The following ABCC5 variants were observed in gnomAD, a reference collection of about 807,000 sequenced individuals.
ABCC5 encodes ATP-binding cassette sub-family C member 5.
ABCC5 carries 61 observed loss-of-function variants against 160.9 expected under a neutral mutation model. The observed-to-expected ratio is 0.38, with a 90% confidence interval of 0.31 to 0.47. ABCC5 has a LOEUF of 0.47. Ranked by LOEUF, ABCC5 falls within the 20% of genes least tolerant of loss-of-function variation. The pLI is 0.99. For missense variants in ABCC5, 1,308 were observed against 1,813.3 expected (o/e 0.72, Z 5.06); for synonymous variants, 666 against 700.6 (o/e 0.95, Z 0.78).
At chr3:183,960,061 T>C (rs1215172888) in intron 16 of ABCC5, among the ~76,000 whole-genome samples, 1 of 152,190 alleles carries the variant, frequency 6.6e-6, no homozygotes, top group Non-Finnish European at 1.5e-5. Context: ...GTCACTAAAC[T>C]CCAAACACAG....
chr3:183,935,028 A>AT (rs774978089), intron 26 of ABCC5, among the ~76,000 whole-genome samples: 2,153 of 149,976 alleles, frequency 0.014, 52 homozygotes, highest in African/African-American at 0.05. Flanking sequence ...TGTAAGGCCA[A>AT]TTTTTTTTTT....
At chr3:183,927,510 A>T in intron 27 of ABCC5, 67 bp from the exon 28 acceptor site, 3 of 1,540,378 alleles carry the variant, frequency 1.9e-6, no homozygotes, top group Non-Finnish European at 2.6e-6. Context: ...AAATCCAAGG[A>T]CAGAAAGAAA....
At chr3:183,953,915 A>G (rs1287046960) in intron 17 of ABCC5, among the ~76,000 whole-genome samples, 2 of 152,174 alleles carry the variant, frequency 1.3e-5, no homozygotes, top group Non-Finnish European at 2.9e-5. Context: ...TGGCCCCACA[A>G]AGAACTTCTC....
In ABCC5 at chr3:183,988,762, A is replaced by G. The variant is rs760643523; in HGVS notation, c.288-35T>C. 6.9e-6 allele frequency: 11 copies of G among 1,605,080 alleles called. No individual in the cohort carries two copies. In the South Asian group the frequency reaches 1.2e-4, roughly 18 times the overall value. ...GAAAACCGAAATCACAAAGCTATCA[A>G]CACGCACGGAGAGGGCAGCCCGTGT... On this transcript the variant is annotated intron_variant, in intron 3 of 29. Transcript: ENST00000334444. The surrounding 1 kb of genome is among the most constrained non-coding windows in gnomAD (Gnocchi z 4.4).
chr3:183,942,125 C>T (rs1347289153), intron 25 of ABCC5, among the ~76,000 whole-genome samples: 2 of 151,906 alleles, frequency 1.3e-5, no homozygotes, highest in African/African-American at 4.8e-5. Flanking sequence ...CTGCAACCTC[C>T]GCCTCCCAGG....
At chr3:183,957,445 ATC>A (rs1716187082) in intron 17 of ABCC5, among the ~76,000 whole-genome samples, 1 of 139,934 alleles carries the variant, frequency 7.1e-6, no homozygotes, top group Admixed American at 7.3e-5. Context: ...TGTATATCAC[ATC>A]TGTTACATGC....
At chr3:183,962,822 G>A (rs192612660) in intron 15 of ABCC5, among the ~76,000 whole-genome samples, 36 of 152,210 alleles carry the variant, frequency 2.4e-4, no homozygotes, top group Admixed American at 1.5e-3. Flanking sequence ...GTGCCTGGCC[G>A]AGTCCCTCCG....
chr3:183,935,499 T>TC (rs940228037), intron 26 of ABCC5, among the ~76,000 whole-genome samples: 4 of 149,048 alleles, frequency 2.7e-5, no homozygotes, highest in Non-Finnish European at 1.5e-5. Flanking sequence ...GCTTTCATCT[T>TC]CAATAAATTC....
intron 29 of ABCC5, among the ~76,000 whole-genome samples, chr3:183,922,639 C>T (rs759991878): frequency 9.7e-4 from 147 of 152,202 alleles, no homozygotes; most frequent in Admixed American, 2.0e-3. Flanking sequence ...CTGAATGATA[C>T]GCTGGCAGAA....
chr3:183,984,599 G>A, intron 5 of ABCC5: 2 of 1,378,680 alleles, frequency 1.5e-6, no homozygotes, highest in Non-Finnish European at 1.9e-6. Flanking sequence ...CAAGTCCCAG[G>A]AAATAACCTG....
At chr3:183,979,748 G>A (rs997621882) in intron 8 of ABCC5, among the ~76,000 whole-genome samples, 1 of 151,946 alleles carries the variant, frequency 6.6e-6, no homozygotes, top group Non-Finnish European at 1.5e-5. Flanking sequence ...GCCCAGTTAT[G>A]TTTTATTTTT....
intron 1 of ABCC5, 78 bp from the exon 2 acceptor site, chr3:184,014,525 G>T: frequency 3.0e-6 from 2 of 665,438 alleles, no homozygotes; most frequent in African/African-American, 2.3e-5. Context: ...CTTAAAAATA[G>T]GAAAAAAAAA....
chr3:183,946,664 C>T (rs1473125300), intron 23 of ABCC5, among the ~76,000 whole-genome samples: 1 of 152,086 alleles, frequency 6.6e-6, no homozygotes, highest in Admixed American at 6.5e-5. Flanking sequence ...TTCCTACCCC[C>T]ACCCCCCATA....
intron 26 of ABCC5, among the ~76,000 whole-genome samples, chr3:183,934,743 C>T (rs1404646405): frequency 1.3e-5 from 2 of 152,196 alleles, no homozygotes; most frequent in African/African-American, 4.8e-5. Context: ...TCTCGAACTC[C>T]TGAGCTCAAG....
intron 8 of ABCC5, among the ~76,000 whole-genome samples, chr3:183,980,047 G>C (rs1457283535): frequency 1.3e-5 from 2 of 152,006 alleles, no homozygotes; most frequent in Admixed American, 1.3e-4. Context: ...GCTAATTTTT[G>C]TATTTTTAGT....
chr3:183,972,204 C>T lies in ABCC5; in HGVS notation c.1405-285G>A, dbSNP rs146214044. Among the ~76,000 whole-genome samples, 604 of 152,266 alleles carry T rather than the reference C, an allele frequency of 4.0e-3. 5 individuals are homozygous for T. The highest frequency in any genetic ancestry group is 0.013 in the African/African-American group (554 of 41,554). On this transcript the variant is annotated intron_variant, in intron 10 of 29. Coordinates refer to ENST00000334444, the MANE Select transcript of ABCC5 (RefSeq NM_005688.4). ...TCCCCCTCAGCCAGCCTAAAGCGGACCTAATGACATTTAACTGACTGGCAC... is the reference window on the plus strand; with the variant it reads ...TCCCCCTCAGCCAGCCTAAAGCGGATCTAATGACATTTAACTGACTGGCAC...
At chr3:183,932,594 G>C (rs1713281201) in intron 26 of ABCC5, among the ~76,000 whole-genome samples, 1 of 152,144 alleles carries the variant, frequency 6.6e-6, no homozygotes, top group African/African-American at 2.4e-5. Flanking sequence ...TCAAATCCTA[G>C]CTCTGCCACT....
chr3:183,973,484 G>T (rs1209614146), intron 10 of ABCC5, among the ~76,000 whole-genome samples: 1 of 151,708 alleles, frequency 6.6e-6, no homozygotes, highest in Non-Finnish European at 1.5e-5. Context: ...TAGCTTTTAG[G>T]GTCAGGACCC....
At chr3:183,986,625 G>C (rs190837831) in intron 5 of ABCC5, 7 of 152,294 alleles carry the variant, frequency 4.6e-5, no homozygotes, top group Admixed American at 2.0e-4. Flanking sequence ...GAAAGCCCAT[G>C]ATCACTTTAT....
Sources: gnomAD v4.1 joint callset for allele counts (sites outside exome capture counted in the v4.1 genomes callset) on GRCh38, gnomAD v4.1.1 for gene constraint, Gnocchi (gnomAD v3.1) non-coding constraint, MANE v1.5 for transcripts, NCBI Gene and HGNC (gene_info 2026-07-23, HGNC 2026-07-21) for gene names.